The following RIMS1 variants were observed in gnomAD, a reference collection of about 807,000 sequenced individuals.
RIMS1 encodes regulating synaptic membrane exocytosis protein 1.
A neutral mutation model predicts 214.1 loss-of-function variants in RIMS1; 83 were observed. The ratio of observed to expected loss-of-function variants is 0.39; its 90% CI spans 0.32 to 0.47. RIMS1 has a LOEUF of 0.47. RIMS1 is among the 20% of genes least tolerant of loss of function. The probability of loss-of-function intolerance (pLI) is 0.99; values close to 1 mark genes in which losing one functional copy is unlikely to be tolerated. For missense variants in RIMS1, 2,050 were observed against 2,161.8 expected (o/e 0.95, Z 1.03); for synonymous variants, 793 against 786.8 (o/e 1.01, Z -0.13).
At chr6:72,367,173 G>A (rs1430848281) in intron 29 of RIMS1, among the ~76,000 whole-genome samples, 1 of 152,134 alleles carries the variant, frequency 6.6e-6, no homozygotes, top group Non-Finnish European at 1.5e-5. Flanking sequence ...TTTTAAAGCT[G>A]GATTTGAAGT....
At chr6:71,986,479 G>C (rs1800004477) in intron 2 of RIMS1, among the ~76,000 whole-genome samples, 1 of 152,180 alleles carries the variant, frequency 6.6e-6, no homozygotes, top group Non-Finnish European at 1.5e-5. Context: ...TCAAGAAACT[G>C]ATGATGCCTT....
intron 4 of RIMS1, among the ~76,000 whole-genome samples, chr6:72,122,966 A>G (rs1219755703): frequency 6.6e-6 from 1 of 151,338 alleles, no homozygotes; most frequent in Non-Finnish European, 1.5e-5. Context: ...TTGTGTCTCT[A>G]TCTCCTTTAA....
At chr6:72,103,368 G>A (rs368310137) in intron 4 of RIMS1, among the ~76,000 whole-genome samples, 1 of 152,002 alleles carries the variant, frequency 6.6e-6, no homozygotes, top group East Asian at 1.9e-4. Flanking sequence ...TTTAAACTTC[G>A]TATGATTATT....
rs9360536 is a variant in RIMS1 at position 72,176,124 on chromosome 6, A to G, written c.472-3451A>G. On this transcript the variant is annotated intron_variant, in intron 4 of 33. Coordinates refer to ENST00000521978, the MANE Select transcript of RIMS1 (RefSeq NM_014989.7). ...ATTGCTTAACATCTGTAAATTGTTA[A>G]GATAAGTTATTGCACAGGCCTACTT... 2.6e-5 allele frequency among the ~76,000 whole-genome samples: 4 copies of G among 152,148 alleles called. No homozygotes were observed. The East Asian group carries it at 7.7e-4, about 29-fold the overall frequency.
At chr6:72,034,486 T>A (rs1049240076) in intron 2 of RIMS1, among the ~76,000 whole-genome samples, 1 of 152,214 alleles carries the variant, frequency 6.6e-6, no homozygotes, top group South Asian at 2.1e-4. Flanking sequence ...GAAATGTGTT[T>A]TGCAGCTCTC....
At chr6:72,212,554 T>C (rs1222164228) in intron 6 of RIMS1, among the ~76,000 whole-genome samples, 2 of 152,142 alleles carry the variant, frequency 1.3e-5, no homozygotes, top group Non-Finnish European at 2.9e-5. Context: ...ATTTTAATGG[T>C]ACTGAACAAA....
chr6:72,179,332 T>A (rs1387659046), intron 4 of RIMS1: 1 of 490,602 alleles, frequency 2.0e-6, no homozygotes, highest in Non-Finnish European at 3.7e-6. Context: ...AATAATCAAA[T>A]CAGAAATGCT....
At chr6:72,026,460 C>CCT in intron 2 of RIMS1, among the ~76,000 whole-genome samples, 1 of 139,894 alleles carries the variant, frequency 7.1e-6, no homozygotes, top group East Asian at 2.4e-4. Context: ...GCACCGCCCC[C>CCT]CCCCCCAACT....
chr6:71,900,838 A>G (rs1582114306), intron 1 of RIMS1, among the ~76,000 whole-genome samples: 1 of 150,390 alleles, frequency 6.6e-6, no homozygotes, highest in East Asian at 1.9e-4. Flanking sequence ...TTTATGAGTC[A>G]TGTGTACACA....
chr6:72,103,583 T>C (rs542632746), intron 4 of RIMS1, among the ~76,000 whole-genome samples: 2 of 152,238 alleles, frequency 1.3e-5, no homozygotes, highest in South Asian at 2.1e-4. Context: ...GAAAGGGCTA[T>C]GGTAGAAAGA....
At chr6:72,261,001 G>T in intron 19 of RIMS1, 1 of 1,306,900 alleles carries the variant, frequency 7.7e-7, no homozygotes, top group Non-Finnish European at 9.8e-7. Flanking sequence ...GAGACTAGTG[G>T]GCCTCTCTGG....
chr6:72,055,484 T>G (rs1460030230), intron 2 of RIMS1, among the ~76,000 whole-genome samples: 1 of 152,182 alleles, frequency 6.6e-6, no homozygotes. Flanking sequence ...CTCTTCCTAT[T>G]TAGATGCTTT....
At chr6:71,970,114 C>G (rs550439074) in intron 2 of RIMS1, among the ~76,000 whole-genome samples, 12 of 152,046 alleles carry the variant, frequency 7.9e-5, no homozygotes, top group African/African-American at 2.9e-4. Context: ...AGGTTTTACC[C>G]CAATAAGTAT....
intron 29 of RIMS1, among the ~76,000 whole-genome samples, chr6:72,375,931 G>A (rs946039249): frequency 2.6e-5 from 4 of 152,152 alleles, no homozygotes; most frequent in African/African-American, 9.7e-5. Flanking sequence ...GTTAGCAGTG[G>A]TAAATATCTC....
At chr6:72,329,970 G>A (rs985911942) in intron 28 of RIMS1, among the ~76,000 whole-genome samples, 3 of 151,764 alleles carry the variant, frequency 2.0e-5, no homozygotes, top group African/African-American at 7.3e-5. Context: ...ATTGGGATCT[G>A]CAGCATATAG....
At chr6:72,357,453 G>A (rs1406523103) in intron 29 of RIMS1, among the ~76,000 whole-genome samples, 1 of 152,122 alleles carries the variant, frequency 6.6e-6, no homozygotes, top group Non-Finnish European at 1.5e-5. Context: ...TAGACTTAGG[G>A]GATTGTTCTG....
intron 13 of RIMS1, 43 bp downstream of exon 13, chr6:72,250,503 TAATAGAA>T: frequency 3.0e-6 from 4 of 1,353,238 alleles, no homozygotes; most frequent in Non-Finnish European, 4.0e-6. Flanking sequence ...AAATCTGTAC[TAATAGAA>T]AAGGTAGAAT....
intron 2 of RIMS1, among the ~76,000 whole-genome samples, chr6:72,036,657 A>T (rs1264480870): frequency 1.3e-5 from 2 of 149,344 alleles, no homozygotes; most frequent in Admixed American, 1.3e-4. Flanking sequence ...ATTAGCAGCA[A>T]CCACATATTT....
At chr6:72,230,163 A>C (rs762484049) in intron 6 of RIMS1, among the ~76,000 whole-genome samples, 4 of 151,810 alleles carry the variant, frequency 2.6e-5, no homozygotes, top group Non-Finnish European at 5.9e-5. Flanking sequence ...ATATCTAGAA[A>C]GAACAATCTC....
Sources: gnomAD v4.1 joint callset for allele counts (sites outside exome capture counted in the v4.1 genomes callset) on GRCh38, gnomAD v4.1.1 for gene constraint, MANE v1.5 for transcripts, NCBI Gene and HGNC (gene_info 2026-07-23, HGNC 2026-07-21) for gene names.